Variants in ADAMTSL3 observed in about 807,000 individuals in gnomAD.
ADAMTSL3 encodes ADAMTS like 3.
ADAMTSL3 carries 128 observed loss-of-function variants against 201.7 expected under a neutral mutation model. The ratio of observed to expected loss-of-function variants is 0.63; its 90% confidence interval spans 0.55 to 0.73. The LOEUF is 0.73. Ranked by LOEUF, ADAMTSL3 falls within the 30% of genes least tolerant of loss-of-function variation. ADAMTSL3 has a pLI of 0.00. For missense variants in ADAMTSL3, 1,990 were observed against 2,119.6 expected, an observed-to-expected ratio of 0.94 and a Z score of 1.20; for synonymous variants, 738 against 748.4, an observed-to-expected ratio of 0.99 and a Z score of 0.23.
At chr15:83,822,220 C>T (rs1429509599) in intron 6 of ADAMTSL3, among the ~76,000 whole-genome samples, 34 of 145,574 alleles carry the variant, frequency 2.3e-4, no homozygotes, top group African/African-American at 7.3e-4. Context: ...CGGGCGGAGA[C>T]GCTCCTCACT....
rs1273279017 is a variant in ADAMTSL3 at position 83,874,114 on chromosome 15, G to C, written c.960+3155G>C. On this transcript the variant is annotated intron_variant, in intron 9 of 29. Transcript: ENST00000286744. Reference sequence around the variant, plus strand: ...TGTCCTCAGGAGGATGTGCACCACAGGGCATGTCCAGCCAGGATGTGGAAA... The same window carrying C: ...TGTCCTCAGGAGGATGTGCACCACACGGCATGTCCAGCCAGGATGTGGAAA... Among the ~76,000 whole-genome samples, 2 of 144,870 alleles carry C rather than the reference G, an allele frequency of 1.4e-5. 1 individual carries two copies. Among genetic ancestry groups the C allele is most frequent in the Non-Finnish European group, 3.0e-5 (2 of 66,578 alleles).
chr15:83,822,014 T>A (rs1157905212), intron 6 of ADAMTSL3, among the ~76,000 whole-genome samples: 3 of 112,872 alleles, frequency 2.7e-5, no homozygotes, highest in Non-Finnish European at 5.4e-5. Context: ...CTCCCCCACC[T>A]CCCTCCCGGA....
At chr15:83,986,491 G>C (rs974099173) in intron 21 of ADAMTSL3, among the ~76,000 whole-genome samples, 9 of 152,126 alleles carry the variant, frequency 5.9e-5, no homozygotes, top group Admixed American at 2.0e-4. Flanking sequence ...CAAAACAGAA[G>C]CAATTTCATA....
intron 3 of ADAMTSL3, among the ~76,000 whole-genome samples, chr15:83,752,393 A>G (rs1596141352): frequency 6.6e-6 from 1 of 152,202 alleles, no homozygotes; most frequent in South Asian, 2.1e-4. Context: ...ACTAAAATTT[A>G]TAAAATATAT....
chr15:83,671,947 T>G (rs756777529), intron 2 of ADAMTSL3, among the ~76,000 whole-genome samples: 19 of 152,216 alleles, frequency 1.2e-4, no homozygotes, highest in Non-Finnish European at 2.5e-4. Flanking sequence ...CTTTTTAGTT[T>G]TTACAATATT....
intron 8 of ADAMTSL3, among the ~76,000 whole-genome samples, chr15:83,864,945 C>T (rs1332985870): frequency 6.6e-6 from 1 of 152,160 alleles, no homozygotes; most frequent in Non-Finnish European, 1.5e-5. Flanking sequence ...GTGCAAAAAT[C>T]ACAAGCATTC....
At chr15:83,753,300 C>A (rs975547884) in intron 3 of ADAMTSL3, among the ~76,000 whole-genome samples, 1 of 152,168 alleles carries the variant, frequency 6.6e-6, no homozygotes, top group Non-Finnish European at 1.5e-5. Context: ...TGCTACTGAT[C>A]TCAGGTGTGC....
At chr15:83,767,818 C>A (rs1348451120) in intron 3 of ADAMTSL3, among the ~76,000 whole-genome samples, 1 of 152,150 alleles carries the variant, frequency 6.6e-6, no homozygotes, top group African/African-American at 2.4e-5. Context: ...TCACAGACTC[C>A]AAGTCTGATT....
At chr15:83,981,451 C>T (rs371303672) in intron 20 of ADAMTSL3, among the ~76,000 whole-genome samples, 125 of 152,286 alleles carry the variant, frequency 8.2e-4, no homozygotes, top group African/African-American at 2.9e-3. Context: ...ATTATGTGCC[C>T]GCTACTGTGC....
At chr15:84,025,194 T>C (rs1033904183) in intron 26 of ADAMTSL3, 44 bp from the exon 27 acceptor site, 1 of 1,509,596 alleles carries the variant, frequency 6.6e-7, no homozygotes, top group Admixed American at 2.2e-5. Flanking sequence ...CTCTAAGATC[T>C]GGCATACCAG....
intron 3 of ADAMTSL3, among the ~76,000 whole-genome samples, chr15:83,712,683 G>A (rs2061948970): frequency 6.6e-6 from 1 of 152,208 alleles, no homozygotes; most frequent in African/African-American, 2.4e-5. Flanking sequence ...GGGGTCAGCA[G>A]TGATAGCTCA....
intron 19 of ADAMTSL3, among the ~76,000 whole-genome samples, chr15:83,948,603 T>C (rs972094715): frequency 1.3e-5 from 2 of 152,182 alleles, no homozygotes; most frequent in Non-Finnish European, 2.9e-5. Flanking sequence ...CTGGTGTTTC[T>C]TGGGGCCAGG....
intron 3 of ADAMTSL3, among the ~76,000 whole-genome samples, chr15:83,710,434 C>A (rs1436696839): frequency 6.6e-6 from 1 of 152,138 alleles, no homozygotes; most frequent in Non-Finnish European, 1.5e-5. Flanking sequence ...TCATTTTTAA[C>A]CTTTAAAATC....
At chr15:83,827,197 G>A (rs1308244758) in intron 6 of ADAMTSL3, among the ~76,000 whole-genome samples, 9 of 152,170 alleles carry the variant, frequency 5.9e-5, no homozygotes, top group Middle Eastern at 6.8e-3. Context: ...TTTAATGATC[G>A]CCATTCTAAC....
At chr15:84,014,926 G>C (rs973481101) in intron 24 of ADAMTSL3, among the ~76,000 whole-genome samples, 1 of 149,058 alleles carries the variant, frequency 6.7e-6, no homozygotes, top group Non-Finnish European at 1.5e-5. Flanking sequence ...TAACACAGAT[G>C]TTAGTGTTTG....
At chr15:83,823,951 TCTTCTTCTTCTTCTTCTTCTTCTC>T (rs1481825281) in intron 6 of ADAMTSL3, among the ~76,000 whole-genome samples, 1,180 of 72,164 alleles carry the variant, frequency 0.016, 27 homozygotes, top group Middle Eastern at 0.03. Flanking sequence ...TTCTTCTTCT[TCTTCTTCTTCTTCTTCTTCTTCTC>T]CTCCTCCTCC....
chr15:83,733,088 A>G (rs2062308556), intron 3 of ADAMTSL3, among the ~76,000 whole-genome samples: 1 of 152,154 alleles, frequency 6.6e-6, no homozygotes, highest in Non-Finnish European at 1.5e-5. Flanking sequence ...CGTTTCATTA[A>G]ATTTACCGTC....
At chr15:83,782,103 A>G (rs2141790266) in intron 4 of ADAMTSL3, among the ~76,000 whole-genome samples, 1 of 152,314 alleles carries the variant, frequency 6.6e-6, no homozygotes, top group East Asian at 1.9e-4. Context: ...TCATTTAATT[A>G]TAAAGACACT....
chr15:83,978,694 T>C (rs779345518), intron 20 of ADAMTSL3, among the ~76,000 whole-genome samples: 4 of 152,194 alleles, frequency 2.6e-5, no homozygotes, highest in Non-Finnish European at 5.9e-5. Context: ...GCAGAGCCCA[T>C]GAATTCCGAT....
Sources: gnomAD v4.1 joint callset for allele counts (sites outside exome capture counted in the v4.1 genomes callset) on GRCh38, gnomAD v4.1.1 for gene constraint, MANE v1.5 for transcripts, NCBI Gene and HGNC (gene_info 2026-07-23, HGNC 2026-07-21) for gene names.